DRG1: variants seen among roughly 807,000 people sequenced by gnomAD.
DRG1 encodes the protein developmentally-regulated GTP-binding protein 1.
A neutral mutation model predicts 38.8 loss-of-function variants in DRG1; 19 were observed. The ratio of observed to expected loss-of-function variants is 0.49; its 90% confidence interval spans 0.34 to 0.72. The LOEUF is 0.72. DRG1 is among the 30% of genes least tolerant of loss of function. DRG1 has a pLI of 0.01. For missense variants in DRG1, 299 were observed against 444.8 expected (o/e 0.67, Z 2.95); for synonymous variants, 167 against 157.5 (o/e 1.06, Z -0.45).
At chr22:31,427,826 C>T (rs147740266) in intron 8 of DRG1, among the ~76,000 whole-genome samples, 477 of 151,844 alleles carry the variant, frequency 3.1e-3, no homozygotes, top group Non-Finnish European at 4.8e-3. Flanking sequence ...TTATGCTTCC[C>T]GGGTTCAAGT....
chr22:31,411,240 A>G (rs2050016500), intron 4 of DRG1, among the ~76,000 whole-genome samples, 159 bp downstream of exon 4: 1 of 152,300 alleles, frequency 6.6e-6, no homozygotes, highest in Non-Finnish European at 1.5e-5. Context: ...CTCAGCTGCA[A>G]CGTTAGCAAT....
intron 2 of DRG1, among the ~76,000 whole-genome samples, chr22:31,402,218 T>C (rs2049965705): frequency 6.6e-6 from 1 of 152,002 alleles, no homozygotes. Flanking sequence ...CTAAAAGGAA[T>C]GGCGTAAGAT....
intron 4 of DRG1, among the ~76,000 whole-genome samples, chr22:31,416,036 A>G (rs549321167): frequency 6.6e-6 from 1 of 152,262 alleles, no homozygotes; most frequent in African/African-American, 2.4e-5. Context: ...AAGTCAGATC[A>G]GTCCAGGCAC....
Position 31,427,445 on chromosome 22 carries a change from C to A in DRG1, c.1004+263C>A, listed in dbSNP as rs563550972. On this transcript the variant is annotated intron_variant, in intron 8 of 8. Coordinates refer to ENST00000331457, the MANE Select transcript of DRG1 (RefSeq NM_004147.4). ...TATTTCATCTTCCTCTTGGCAAACACAAATATTAATAATTCCTGCCAATGT... is the reference window on the plus strand; with the variant it reads ...TATTTCATCTTCCTCTTGGCAAACAAAAATATTAATAATTCCTGCCAATGT... Among the ~76,000 whole-genome samples the A allele has an allele frequency of 7.0e-4, 106 of 152,274 alleles. 1 individual carries two copies. Among genetic ancestry groups the A allele is most frequent in the East Asian group, 2.3e-3 (12 of 5,174 alleles).
chr22:31,412,880 GT>G (rs1200020051), intron 4 of DRG1, among the ~76,000 whole-genome samples: 1 of 151,596 alleles, frequency 6.6e-6, no homozygotes, highest in African/African-American at 2.4e-5. Flanking sequence ...TAGAGACAGG[GT>G]TTTGCCATGT....
intron 4 of DRG1, among the ~76,000 whole-genome samples, chr22:31,417,247 G>A (rs1237685096): frequency 1.3e-5 from 2 of 150,688 alleles, no homozygotes; most frequent in Non-Finnish European, 3.0e-5. Flanking sequence ...GTGCGCGCCT[G>A]TAGTCCCAAG....
In DRG1 at chr22:31,434,420, C is replaced by T. The variant is rs1430878261; in HGVS notation, c.*449C>T. On this transcript the variant is annotated 3_prime_UTR_variant, in exon 9 of 9. Coordinates refer to ENST00000331457, the MANE Select transcript of DRG1 (RefSeq NM_004147.4). ...CACATGATACTGGAGAGAGGAAGGA[C>T]TTTATGTAAGTTAATTGATCACTCC... 1 of 159,268 alleles carries T rather than the reference C, an allele frequency of 6.3e-6. No homozygotes were observed. The highest frequency in any genetic ancestry group is 1.4e-5 in the Non-Finnish European group (1 of 72,908). The allele number at this position is 159,268 out of a possible 1,614,324, so 9.9% of individuals were successfully genotyped here.
At chr22:31,404,358 G>A (rs1164462126) in intron 3 of DRG1, among the ~76,000 whole-genome samples, 4 of 150,604 alleles carry the variant, frequency 2.7e-5, no homozygotes, top group African/African-American at 9.8e-5. Flanking sequence ...TCCCGCTTCA[G>A]CCTCCCGAGT....
chr22:31,410,179 A>G (rs1403709197), intron 3 of DRG1, among the ~76,000 whole-genome samples: 2 of 152,048 alleles, frequency 1.3e-5, no homozygotes, highest in African/African-American at 4.8e-5. Flanking sequence ...AGCCCGGCCT[A>G]GGTGCAGTGG....
At chr22:31,405,680 TG>T (rs201356559) in intron 3 of DRG1, among the ~76,000 whole-genome samples, 1 of 150,566 alleles carries the variant, frequency 6.6e-6, no homozygotes, top group African/African-American at 2.4e-5. Flanking sequence ...TGTGTGTGTG[TG>T]GGGGGGTTTA....
At chr22:31,418,296 A>G (rs2050055427) in intron 4 of DRG1, among the ~76,000 whole-genome samples, 1 of 152,058 alleles carries the variant, frequency 6.6e-6, no homozygotes, top group African/African-American at 2.4e-5. Context: ...AAAAATTAAA[A>G]AAAAGAAAAA....
rs1601534926 is a variant in DRG1 at position 31,427,248 on chromosome 22, T to G, written c.1004+66T>G. 3.2e-6 allele frequency: 5 copies of G among 1,570,190 alleles called. No homozygotes were observed. In the South Asian group the frequency reaches 5.8e-5, roughly 18 times the overall value. ...GTTACCAATTTTACTAACTAGTAAT[T>G]CTTAGGATAGCATTTTAAAAAAGAA... On this transcript the variant is annotated intron_variant, in intron 8 of 8. Coordinates refer to ENST00000331457, the MANE Select transcript of DRG1 (RefSeq NM_004147.4).
chr22:31,417,999 A>G (rs2050053907), intron 4 of DRG1, among the ~76,000 whole-genome samples: 1 of 151,704 alleles, frequency 6.6e-6, no homozygotes, highest in Admixed American at 6.6e-5. Flanking sequence ...AAAAAAAAAA[A>G]AAAGTCTACC....
At position 31,428,504 on chromosome 22, in the gene DRG1, C is replaced by T. The variant is rs1400428746; in HGVS notation, c.1004+1322C>T. Among the ~76,000 whole-genome samples the T allele has an allele frequency of 4.6e-5, 7 of 152,192 alleles. 1 individual carries two copies. Among genetic ancestry groups the T allele is most frequent in the Non-Finnish European group, 7.3e-5 (5 of 68,038 alleles). On this transcript the variant is annotated intron_variant, in intron 8 of 8. Transcript: ENST00000331457. The stretch of plus-strand genomic sequence containing the variant: ...CCGGGATTACAGGCGTGAGCCACTG[C>T]GCCCAGCCCAAAGTTTCCTTTTATC...
At chr22:31,400,205 G>T (rs1017021065) in intron 1 of DRG1, among the ~76,000 whole-genome samples, 1 of 151,754 alleles carries the variant, frequency 6.6e-6, no homozygotes, top group Non-Finnish European at 1.5e-5. Flanking sequence ...ATTTGCTCCC[G>T]GTAATCGGAT....
intron 3 of DRG1, among the ~76,000 whole-genome samples, chr22:31,410,186 G>A (rs2050010674): frequency 6.6e-6 from 1 of 152,152 alleles, no homozygotes; most frequent in Non-Finnish European, 1.5e-5. Flanking sequence ...CCTAGGTGCA[G>A]TGGCTCATGC....
At chr22:31,422,373 G>A (rs2050081768) in intron 5 of DRG1, among the ~76,000 whole-genome samples, 1 of 152,170 alleles carries the variant, frequency 6.6e-6, no homozygotes, top group Non-Finnish European at 1.5e-5. Flanking sequence ...GGAGGTTGCA[G>A]TGAGCTGAGA....
intron 3 of DRG1, among the ~76,000 whole-genome samples, chr22:31,407,035 T>C (rs530673651): frequency 7.2e-5 from 11 of 152,304 alleles, no homozygotes; most frequent in Admixed American, 1.3e-4. Flanking sequence ...TGTGTGATGT[T>C]TTCTCTTGGT....
At chr22:31,416,450 TG>T in intron 4 of DRG1, among the ~76,000 whole-genome samples, 1 of 152,294 alleles carries the variant, frequency 6.6e-6, no homozygotes, top group East Asian at 1.9e-4. Flanking sequence ...CTTCAGTCAC[TG>T]GGCTTAAGAT....
Sources: allele counts gnomAD v4.1 joint callset (sites outside exome capture counted in the v4.1 genomes callset), GRCh38; gene constraint gnomAD v4.1.1; transcripts MANE v1.5; gene names NCBI Gene and HGNC (gene_info 2026-07-23, HGNC 2026-07-21).